Variants in TRPC5 observed in about 807,000 individuals in gnomAD.
TRPC5 encodes short transient receptor potential channel 5.
In TRPC5, 9 loss-of-function variants were observed where a neutral mutation model predicts 56.5. That is an observed-to-expected ratio of 0.16 (90% CI 0.10 to 0.28). The LOEUF (loss-of-function observed/expected upper bound fraction) is 0.28, where lower values mean the gene tolerates loss of function less well. Ranked by LOEUF, TRPC5 falls within the 10% of genes least tolerant of loss-of-function variation. TRPC5 has a pLI of 1.00. For missense variants in TRPC5, 469 were observed against 748.9 expected (o/e 0.63, Z 4.36); for synonymous variants, 282 against 278.5 (o/e 1.01, Z -0.13).
chrX:112,027,393 G>C (rs1391425272), intron 1 of TRPC5, among the ~76,000 whole-genome samples: 1 of 112,217 alleles, frequency 8.9e-6, no homozygotes, highest in Non-Finnish European at 1.9e-5. Flanking sequence ...TTGATAATAG[G>C]AGAAAACACC....
chrX:111,907,437 C>T (rs1305336904), intron 3 of TRPC5, among the ~76,000 whole-genome samples: 1 of 109,825 alleles, frequency 9.1e-6, no homozygotes, highest in Non-Finnish European at 1.9e-5. Context: ...GACCAGCTGG[C>T]CAACATGGTA....
intron 7 of TRPC5, among the ~76,000 whole-genome samples, chrX:111,789,389 A>C (rs763129035): frequency 1.4e-4 from 16 of 111,803 alleles, no homozygotes; most frequent in Admixed American, 1.9e-4. Context: ...TGGATCCCTT[A>C]CTTACACCTT....
chrX:111,971,539 T>G (rs771014540), intron 1 of TRPC5, among the ~76,000 whole-genome samples: 5 of 111,458 alleles, frequency 4.5e-5, no homozygotes, highest in Non-Finnish European at 9.4e-5. Flanking sequence ...TGAGTGCTGT[T>G]TCCCAGAAAT....
chrX:111,777,479 C>T (rs903979164), intron 10 of TRPC5, among the ~76,000 whole-genome samples: 4 of 110,066 alleles, frequency 3.6e-5, no homozygotes, highest in Non-Finnish European at 7.6e-5. Context: ...TCTTCTATCT[C>T]CAACTGGCTG....
At chrX:111,809,450 G>C (rs1396292593) in intron 7 of TRPC5, among the ~76,000 whole-genome samples, 1 of 111,226 alleles carries the variant, frequency 9.0e-6, no homozygotes, top group East Asian at 2.8e-4. Flanking sequence ...GGGCAGCACT[G>C]AATTCAATGC....
At chrX:111,938,538 TGA>T (rs1926670198) in intron 2 of TRPC5, among the ~76,000 whole-genome samples, 1 of 111,496 alleles carries the variant, frequency 9.0e-6, no homozygotes, top group African/African-American at 3.3e-5. Context: ...CCTAATTTAT[TGA>T]GAGTTTTTAG....
chrX:111,802,859 T>A (rs1001522872), intron 7 of TRPC5, among the ~76,000 whole-genome samples: 1 of 111,557 alleles, frequency 9.0e-6, no homozygotes, highest in Non-Finnish European at 1.9e-5. Flanking sequence ...TTTATTCATT[T>A]ATTTATGTAT....
chrX:111,873,439 C>T, intron 3 of TRPC5, among the ~76,000 whole-genome samples: 1 of 111,388 alleles, frequency 9.0e-6, no homozygotes, highest in Admixed American at 9.6e-5. Context: ...GACCCCTAGC[C>T]TCAGCACTGA....
At chrX:111,930,669 T>G (rs1188009414) in intron 2 of TRPC5, 5 of 111,798 alleles carry the variant, frequency 4.5e-5, no homozygotes, top group African/African-American at 1.6e-4. Context: ...TGAGGACATA[T>G]TCCTTGGCTC....
intron 3 of TRPC5, among the ~76,000 whole-genome samples, chrX:111,904,996 C>G (rs750668784): frequency 1.9e-5 from 2 of 104,813 alleles, no homozygotes; most frequent in Non-Finnish European, 3.9e-5. Context: ...AAATTGAATT[C>G]TTTTGGGGAG....
intron 1 of TRPC5, among the ~76,000 whole-genome samples, chrX:111,958,939 A>C (rs1927304808): frequency 8.9e-6 from 1 of 112,304 alleles, no homozygotes. Flanking sequence ...ATCTTCAATC[A>C]AGAGTTCTAT....
At chrX:112,032,441 G>C (rs1465211635) in intron 1 of TRPC5, among the ~76,000 whole-genome samples, 1 of 111,682 alleles carries the variant, frequency 9.0e-6, no homozygotes, top group South Asian at 3.7e-4. Flanking sequence ...AGAGATACCT[G>C]CATTCCTATG....
At chrX:111,966,598 G>A (rs1239180843) in intron 1 of TRPC5, among the ~76,000 whole-genome samples, 4 of 111,565 alleles carry the variant, frequency 3.6e-5, no homozygotes, top group South Asian at 3.8e-4. Flanking sequence ...CTGGCAAACC[G>A]AATCCAGCAG....
intron 2 of TRPC5, among the ~76,000 whole-genome samples, chrX:111,921,858 G>A (rs1926136061): frequency 8.9e-6 from 1 of 111,839 alleles, no homozygotes; most frequent in Non-Finnish European, 1.9e-5. Context: ...ATCTGTCCAA[G>A]GATTCCTTGT....
At chrX:111,787,860 C>T (rs1945981585) in intron 7 of TRPC5, among the ~76,000 whole-genome samples, 1 of 111,082 alleles carries the variant, frequency 9.0e-6, no homozygotes, top group African/African-American at 3.3e-5. Context: ...AAGACTAAAC[C>T]AGGAAGAAGT....
intron 1 of TRPC5, among the ~76,000 whole-genome samples, chrX:112,002,890 T>C (rs775250186): frequency 1.8e-5 from 2 of 112,144 alleles, no homozygotes; most frequent in South Asian, 7.5e-4. Flanking sequence ...CTAATAAGCT[T>C]GAATGCAAAC....
chrX:111,842,140 A>ATATAT (rs1922774202), intron 6 of TRPC5, among the ~76,000 whole-genome samples: 4 of 87,513 alleles, frequency 4.6e-5, no homozygotes, highest in African/African-American at 2.5e-4. Context: ...ATGTATATAT[A>ATATAT]TATATATGTA....
intron 7 of TRPC5, among the ~76,000 whole-genome samples, chrX:111,795,539 C>T (rs751907062): frequency 1.2e-4 from 13 of 110,695 alleles, no homozygotes; most frequent in African/African-American, 4.3e-4. Flanking sequence ...TATATGTCAT[C>T]ACAATGACTT....
chrX:111,830,420 A>G (rs1447472222), intron 7 of TRPC5, among the ~76,000 whole-genome samples: 1 of 111,984 alleles, frequency 8.9e-6, no homozygotes, highest in Non-Finnish European at 1.9e-5. Flanking sequence ...TGTTTTAAAA[A>G]TGTAAGGTCA....
Sources: allele counts gnomAD v4.1 joint callset (sites outside exome capture counted in the v4.1 genomes callset), GRCh38; gene constraint gnomAD v4.1.1; transcripts MANE v1.5; gene names NCBI Gene and HGNC (gene_info 2026-07-23, HGNC 2026-07-21).